ERGIC1: variants seen among roughly 807,000 people sequenced by gnomAD.
ERGIC1 encodes the protein endoplasmic reticulum-Golgi intermediate compartment protein 1.
Under a neutral mutation model 38.3 loss-of-function variants are expected in ERGIC1, and 19 were observed. The ratio of observed to expected loss-of-function variants is 0.50; its 90% CI spans 0.35 to 0.73. The LOEUF (loss-of-function observed/expected upper bound fraction) is 0.73, where lower values mean the gene tolerates loss of function less well. Ranked by LOEUF, ERGIC1 falls within the 30% of genes least tolerant of loss-of-function variation. The pLI, the probability that ERGIC1 is intolerant of heterozygous loss-of-function variation, is 0.01. For synonymous variants in ERGIC1, 124 were observed against 157.6 expected (o/e 0.79, Z 1.60); for missense variants, 294 against 389.2 (o/e 0.76, Z 2.06).
At chr5:172,935,659 T>C (rs1375049380) in intron 9 of ERGIC1, 3 of 199,066 alleles carry the variant, frequency 1.5e-5, no homozygotes, top group Non-Finnish European at 2.1e-5. Flanking sequence ...TATCCTTTAA[T>C]GTGTAAATTT....
At position 172,926,796 on chromosome 5, in the gene ERGIC1, ACGCACGCACGCAGT is replaced by A. The variant is rs1763661275; in HGVS notation, c.541+228_541+241del. 1.7e-6 allele frequency: 1 copy of A among 572,756 alleles called. No homozygotes were observed. Among genetic ancestry groups the A allele is most frequent in the Non-Finnish European group, 3.1e-6 (1 of 318,990 alleles). The allele number at this position is 572,756 out of a possible 1,614,324, so 35.5% of individuals were successfully genotyped here. A position where few individuals can be genotyped will look rare whatever the true frequency, so the allele number is the denominator to read the frequency against. On this transcript the variant is annotated intron_variant, in intron 7 of 9. Coordinates refer to ENST00000393784, the MANE Select transcript of ERGIC1 (RefSeq NM_001031711.3). This position sits in a 1 kb window ranked among gnomAD's most constrained non-coding sequence, Gnocchi z 5.2. ...GAAGGCTTGTCCCGGGGCACAGCAG[ACGCACGCACGCAGT>A]GGATACCAGCTATTACCATTATTGT...
At chr5:172,906,692 A>ATAGGGCAGTTCTCT (rs774309233) in intron 3 of ERGIC1, among the ~76,000 whole-genome samples, 2 of 152,216 alleles carry the variant, frequency 1.3e-5, no homozygotes, top group Non-Finnish European at 2.9e-5. Context: ...CATTGCTTAG[A>ATAGGGCAGTTCTCT]TAGGGCAGTT....
chr5:172,932,627 TC>T, intron 8 of ERGIC1, 91 bp downstream of exon 8: 2 of 1,295,236 alleles, frequency 1.5e-6, no homozygotes, highest in Non-Finnish European at 2.2e-6. Flanking sequence ...CGACGCACTT[TC>T]TTCTGATTCC....
chr5:172,928,280 G>A (rs1763699905), intron 7 of ERGIC1, among the ~76,000 whole-genome samples: 1 of 152,210 alleles, frequency 6.6e-6, no homozygotes, highest in African/African-American at 2.4e-5. Context: ...GCTGGCTCAA[G>A]TGGAGAGAAA....
intron 5 of ERGIC1, chr5:172,916,986 A>G (rs1301404842): frequency 6.6e-6 from 1 of 152,556 alleles, no homozygotes; most frequent in Non-Finnish European, 1.5e-5. Flanking sequence ...CTCCATCTCA[A>G]AACAAACAAA....
intron 1 of ERGIC1, among the ~76,000 whole-genome samples, chr5:172,886,656 C>T (rs1247151515): frequency 6.6e-6 from 1 of 152,210 alleles, no homozygotes; most frequent in Non-Finnish European, 1.5e-5. Context: ...GGGTGCCAGG[C>T]TCTGCCTAAG....
chr5:172,874,379 C>G (rs1581531295), intron 1 of ERGIC1, among the ~76,000 whole-genome samples: 1 of 152,216 alleles, frequency 6.6e-6, no homozygotes, highest in East Asian at 1.9e-4. Context: ...CCATGCCTGG[C>G]TGGAATCTAA....
intron 1 of ERGIC1, among the ~76,000 whole-genome samples, chr5:172,835,849 A>C (rs1222603563): frequency 6.6e-6 from 1 of 152,186 alleles, no homozygotes; most frequent in Non-Finnish European, 1.5e-5. Context: ...AGACCTAGGC[A>C]GTTTTGAACA....
intron 1 of ERGIC1, among the ~76,000 whole-genome samples, chr5:172,886,359 G>A (rs1476191063): frequency 1.3e-5 from 2 of 151,814 alleles, no homozygotes; most frequent in African/African-American, 4.8e-5. Context: ...TCCCCCTCCT[G>A]CTCTGTGCAC....
chr5:172,909,806 A>G (rs762612877), intron 4 of ERGIC1, 45 bp downstream of exon 4: 5 of 1,529,076 alleles, frequency 3.3e-6, no homozygotes, highest in Non-Finnish European at 4.5e-6. Flanking sequence ...ACACCTCCTT[A>G]GGGCAAATGT....
At chr5:172,903,872 C>T (rs150931719) in intron 3 of ERGIC1, among the ~76,000 whole-genome samples, 2 of 151,094 alleles carry the variant, frequency 1.3e-5, no homozygotes, top group African/African-American at 2.4e-5. Flanking sequence ...GCCTAGGCTT[C>T]GAACCCTGGT....
intron 3 of ERGIC1, among the ~76,000 whole-genome samples, chr5:172,905,047 G>A (rs930182180): frequency 1.3e-5 from 2 of 151,930 alleles, no homozygotes; most frequent in Non-Finnish European, 2.9e-5. Context: ...GCTTCTTGGG[G>A]CCTTGTGGGT....
intron 1 of ERGIC1, among the ~76,000 whole-genome samples, chr5:172,860,570 G>A (rs149048482): frequency 6.4e-4 from 98 of 152,324 alleles, no homozygotes; most frequent in African/African-American, 2.3e-3. Context: ...GGATGGGAGC[G>A]GTGTGTGCAA....
chr5:172,859,147 C>T (rs79378400), intron 1 of ERGIC1, among the ~76,000 whole-genome samples: 3,069 of 152,222 alleles, frequency 0.02, 101 homozygotes, highest in African/African-American at 0.07. Context: ...TGGGTCATGT[C>T]GTTCCCTGTG....
At chr5:172,935,849 T>C (rs80018154) in intron 9 of ERGIC1, 1,934 of 155,796 alleles carry the variant, frequency 0.012, 47 homozygotes, top group African/African-American at 0.044. Context: ...ATGCTGATTA[T>C]TTCTATCATG....
At chr5:172,950,657 A>G (rs2113501043) in intron 9 of ERGIC1, 52 bp from the exon 10 acceptor site, 1 of 1,545,436 alleles carries the variant, frequency 6.5e-7, no homozygotes, top group Non-Finnish European at 8.9e-7. Flanking sequence ...GGCCTGGTTC[A>G]TCCTCCAGCA....
chr5:172,949,075 CCTT>C (rs1283220926), intron 9 of ERGIC1, among the ~76,000 whole-genome samples: 2 of 152,184 alleles, frequency 1.3e-5, no homozygotes, highest in East Asian at 1.9e-4. Context: ...TCCTTGCAAA[CCTT>C]CTGTGAACTT....
intron 1 of ERGIC1, among the ~76,000 whole-genome samples, chr5:172,853,866 A>T (rs1761473465): frequency 6.6e-6 from 1 of 152,316 alleles, no homozygotes; most frequent in South Asian, 2.1e-4. Flanking sequence ...AAATTCCATG[A>T]TCAGTTCGTT....
rs931673074 is a variant in ERGIC1, at chr5:172,922,215, CAT to C, written c.376-1789_376-1788del. Reference sequence around the variant, plus strand: ...CGTGAGCTGAGACTGCAGCTCTCGACATGTGACCTTAGCAAGTTTCTTCACTG... The same window carrying C: ...CGTGAGCTGAGACTGCAGCTCTCGACGTGACCTTAGCAAGTTTCTTCACTG... On this transcript the variant is annotated intron_variant, in intron 5 of 9. Coordinates refer to ENST00000393784, the MANE Select transcript of ERGIC1 (RefSeq NM_001031711.3). 15 of 152,256 alleles carry C rather than the reference CAT, an allele frequency of 9.9e-5. 2 individuals carry two copies. Among genetic ancestry groups the C allele is most frequent in the Admixed American group, 9.2e-4 (14 of 15,294 alleles). 9.4% of individuals were successfully genotyped at this position (152,256 alleles called of 1,614,324 possible).
Sources: gnomAD v4.1 joint callset for allele counts (sites outside exome capture counted in the v4.1 genomes callset) on GRCh38, gnomAD v4.1.1 for gene constraint, Gnocchi (gnomAD v3.1) non-coding constraint, MANE v1.5 for transcripts, NCBI Gene and HGNC (gene_info 2026-07-23, HGNC 2026-07-21) for gene names.